BNC2: variants seen among roughly 807,000 people sequenced by gnomAD.
BNC2 encodes the protein basonuclin zinc finger protein 2.
BNC2 carries 20 observed loss-of-function variants against 76.3 expected under a neutral mutation model. The observed-to-expected ratio is 0.26, with a 90% CI of 0.18 to 0.38. BNC2 has a LOEUF of 0.38. Among genes scored for constraint, BNC2 ranks in the 10% least tolerant of loss-of-function variants. The pLI is 1.00. For missense variants in BNC2, 1,382 were observed against 1,399.8 expected, an observed-to-expected ratio of 0.99 and a Z score of 0.20; for synonymous variants, 582 against 514.8, an observed-to-expected ratio of 1.13 and a Z score of -1.77.
chr9:16,485,078 G>A (rs1822133633), intron 5 of BNC2, among the ~76,000 whole-genome samples: 1 of 148,748 alleles, frequency 6.7e-6, no homozygotes, highest in South Asian at 2.1e-4. Context: ...TGCTTCCAGA[G>A]AAATTACACA....
Position 16,437,266 on chromosome 9 carries a change from G to A in BNC2, c.928C>T (p.His310Tyr). Residue 310 changes from histidine to tyrosine, a missense_variant, in exon 6 of 7, where the codon CAT becomes TAT. Physicochemically the swap from His to Tyr is moderately conservative, Grantham distance 83. Coordinates refer to ENST00000380672, the MANE Select transcript of BNC2 (RefSeq NM_017637.6). ...CTGTTTGGGATGTTTTCGAAGTGATGAATGCTGGAAGGATTGCTGTTCTCT... is the reference window on the plus strand; with the variant it reads ...CTGTTTGGGATGTTTTCGAAGTGATAAATGCTGGAAGGATTGCTGTTCTCT... The part of the protein sequence containing the change: ...HLENSNPSSI[H>Y]HFENIPNSLA... 1 of 1,614,204 alleles carries A rather than the reference G, an allele frequency of 6.2e-7. No individual in the cohort carries two copies.
At position 16,487,577 on chromosome 9, in the gene BNC2, G is replaced by C. The variant is rs144569874; in HGVS notation, c.670-50053C>G. On this transcript the variant is annotated intron_variant, in intron 5 of 6. Coordinates refer to ENST00000380672, the MANE Select transcript of BNC2 (RefSeq NM_017637.6). ...AATATTAATAGTTGAATATTATTTT[G>C]TCTGACTTATAAAATACCATTCAAA... 7.8e-3 allele frequency among the ~76,000 whole-genome samples: 1,189 copies of C among 152,132 alleles called. 15 individuals carry two copies. Among genetic ancestry groups the C allele is most frequent in the African/African-American group, 0.027 (1,124 of 41,498 alleles).
chr9:16,554,537 C>T (rs991344524), intron 4 of BNC2, among the ~76,000 whole-genome samples: 2 of 152,106 alleles, frequency 1.3e-5, no homozygotes, highest in African/African-American at 2.4e-5. Context: ...GAATAAATAG[C>T]CTTAAAAATT....
intron 3 of BNC2, chr9:16,685,402 C>G: frequency 2.4e-6 from 1 of 414,004 alleles, no homozygotes; most frequent in South Asian, 1.8e-5. Flanking sequence ...GGACCTATGG[C>G]TGCACATACG....
chr9:16,654,046 G>A (rs994548617), intron 3 of BNC2, among the ~76,000 whole-genome samples: 2 of 152,172 alleles, frequency 1.3e-5, no homozygotes, highest in South Asian at 4.2e-4. Flanking sequence ...ACCTACAAGC[G>A]CAGTCTGCAC....
At chr9:16,863,039 C>G (rs997663838) in intron 1 of BNC2, among the ~76,000 whole-genome samples, 1 of 151,700 alleles carries the variant, frequency 6.6e-6, no homozygotes, top group Non-Finnish European at 1.5e-5. Flanking sequence ...CTCAGCCTCC[C>G]GAGTAGCTGG....
chr9:16,754,828 G>A (rs926693026), intron 1 of BNC2, among the ~76,000 whole-genome samples: 4 of 152,308 alleles, frequency 2.6e-5, no homozygotes, highest in African/African-American at 9.6e-5. Context: ...AAAGTGCTGG[G>A]ATTAGAGGTG....
intron 3 of BNC2, among the ~76,000 whole-genome samples, chr9:16,705,349 C>T (rs571297705): frequency 2.6e-5 from 4 of 152,272 alleles, no homozygotes; most frequent in East Asian, 1.9e-4. Flanking sequence ...CCAGCTTTGA[C>T]GGGAAAGGAG....
At chr9:16,554,225 C>T (rs1488981611) in intron 4 of BNC2, among the ~76,000 whole-genome samples, 1 of 152,194 alleles carries the variant, frequency 6.6e-6, no homozygotes, top group Admixed American at 6.5e-5. Context: ...AATATTACTG[C>T]ATAATCATGG....
Position 16,412,598 on chromosome 9 carries a change from C to T in BNC2, c.*6391G>A, listed in dbSNP as rs1820485534. ...CTTTATTTAAGAAGTCATCTTGTTACTGTCCACTTAATAGCTGGAGAGGGC... is the reference window on the plus strand; with the variant it reads ...CTTTATTTAAGAAGTCATCTTGTTATTGTCCACTTAATAGCTGGAGAGGGC... On this transcript the variant is annotated 3_prime_UTR_variant, in exon 7 of 7. Coordinates refer to ENST00000380672, the MANE Select transcript of BNC2 (RefSeq NM_017637.6). 1 of 152,608 alleles carries T rather than the reference C, an allele frequency of 6.6e-6. No individual in the cohort carries two copies. Among genetic ancestry groups the T allele is most frequent in the Admixed American group, 6.5e-5 (1 of 15,274 alleles). The allele number at this position is 152,608 out of a possible 1,614,324, so 9.5% of individuals were successfully genotyped here.
rs1208205666 is a variant in BNC2, at chr9:16,669,665, G to GC, written c.330+58131dup. On this transcript the variant is annotated intron_variant, in intron 3 of 6. Transcript: ENST00000380672. The stretch of plus-strand genomic sequence containing the variant: ...ATGTGAGATACTATGTTATGCATTG[G>GC]CAAGGTGTTCCTTCCATCTACCTGC... Among the ~76,000 whole-genome samples, 7 of 152,240 alleles carry GC rather than the reference G, an allele frequency of 4.6e-5. No individual in the cohort carries two copies. The East Asian group carries it at 1.2e-3, about 25-fold the overall frequency.
At chr9:16,748,807 C>T (rs1197473316) in intron 1 of BNC2, among the ~76,000 whole-genome samples, 1 of 136,020 alleles carries the variant, frequency 7.4e-6, no homozygotes, top group Non-Finnish European at 1.5e-5. Flanking sequence ...CAGGCCACTG[C>T]ACTCCAGCCT....
intron 3 of BNC2, among the ~76,000 whole-genome samples, chr9:16,637,246 T>G (rs149159870): frequency 6.6e-6 from 1 of 152,158 alleles, no homozygotes; most frequent in African/African-American, 2.4e-5. Context: ...AATAAGACTC[T>G]TAAAGTGCCT....
chr9:16,825,356 T>G (rs893889079), intron 1 of BNC2, among the ~76,000 whole-genome samples: 1 of 152,192 alleles, frequency 6.6e-6, no homozygotes, highest in African/African-American at 2.4e-5. Flanking sequence ...CTCTTTATTT[T>G]TGTCTCAATA....
intron 3 of BNC2, among the ~76,000 whole-genome samples, chr9:16,657,987 A>C (rs1821979486): frequency 6.6e-6 from 1 of 152,168 alleles, no homozygotes; most frequent in African/African-American, 2.4e-5. Flanking sequence ...TTTTAAAGGA[A>C]TCAACCCCCT....
At chr9:16,544,678 G>A (rs1407808095) in intron 5 of BNC2, among the ~76,000 whole-genome samples, 3 of 151,736 alleles carry the variant, frequency 2.0e-5, no homozygotes, top group East Asian at 3.9e-4. Flanking sequence ...AATTAGCTAG[G>A]TGTGCTGGCA....
intron 1 of BNC2, among the ~76,000 whole-genome samples, chr9:16,843,620 C>G (rs535325893): frequency 1.4e-4 from 22 of 152,232 alleles, no homozygotes; most frequent in African/African-American, 5.3e-4. Context: ...AGGCGTGAGC[C>G]ACCATGCCCA....
At chr9:16,721,034 T>G (rs1291849586) in intron 3 of BNC2, among the ~76,000 whole-genome samples, 1 of 152,172 alleles carries the variant, frequency 6.6e-6, no homozygotes, top group Non-Finnish European at 1.5e-5. Context: ...TTTTTCCTAT[T>G]CGTTAAACTT....
intron 2 of BNC2, among the ~76,000 whole-genome samples, chr9:16,734,269 C>T (rs891319366): frequency 6.6e-6 from 1 of 152,174 alleles, no homozygotes; most frequent in Non-Finnish European, 1.5e-5. Flanking sequence ...TGCTTCTGTA[C>T]GTCTTCCTCT....
Sources: allele counts gnomAD v4.1 joint callset (sites outside exome capture counted in the v4.1 genomes callset), GRCh38; gene constraint gnomAD v4.1.1; transcripts MANE v1.5; gene names NCBI Gene and HGNC (gene_info 2026-07-23, HGNC 2026-07-21).